Variants in PNPLA5 observed in about 807,000 individuals in gnomAD.
The protein encoded by PNPLA5 is patatin-like phospholipase domain-containing protein 5.
In PNPLA5, 44 loss-of-function variants were observed where a neutral mutation model predicts 49.1. The observed-to-expected ratio is 0.90, with a 90% CI of 0.70 to 1.15. The LOEUF is 1.15. PNPLA5 is among the 50% of genes most tolerant of loss of function. The pLI, the probability that PNPLA5 is intolerant of heterozygous loss-of-function variation, is 0.00. For synonymous variants in PNPLA5, 243 were observed against 244.4 expected (o/e 0.99, Z 0.06); for missense variants, 603 against 564.0 (o/e 1.07, Z -0.70).
chr22:43,884,286 GC>G lies in PNPLA5; in HGVS notation c.1008del (p.Pro337LeufsTer5). 6.2e-7 allele frequency: 1 copy of G among 1,601,182 alleles called. No homozygotes were observed. Among genetic ancestry groups the G allele is most frequent in the Non-Finnish European group, 8.5e-7 (1 of 1,173,656 alleles). On this transcript the variant is annotated frameshift_variant, in exon 7 of 9. Transcript: ENST00000216177. LOFTEE classifies it high-confidence loss of function. The part of the protein sequence containing the change: ...PSRWARFWHS[G>X]PGQVLTYLLL... ...AGCAGGTACGTCAGCACCTGTCCAG[GC>G]CCCGAGTGCCAGAAGCGGGCCCACC...
intron 7 of PNPLA5, among the ~76,000 whole-genome samples, chr22:43,883,665 G>T (rs2049632190): frequency 6.6e-6 from 1 of 152,110 alleles, no homozygotes; most frequent in South Asian, 2.1e-4. Flanking sequence ...AAAACAATTA[G>T]CCGGGCGTGG....
rs753555225 is a variant in PNPLA5, at chr22:43,880,890, G to A, written c.1200-5C>T. ...AGGACGCGAGTGGCCGGAGGGCTGT[G>A]GAGGGAGGAGAAGCCACGGGTAAAT... On this transcript the variant is annotated splice_region_variant and splice_polypyrimidine_tract_variant and intron_variant, in intron 8 of 8. Transcript: ENST00000216177. 2.6e-5 allele frequency: 35 copies of A among 1,323,976 alleles called. No individual in the cohort carries two copies. The highest frequency in any genetic ancestry group is 3.4e-5 in the Non-Finnish European group (35 of 1,028,740). The allele number at this position is 1,323,976 out of a possible 1,614,324, so 82.0% of individuals were successfully genotyped here.
In PNPLA5 at chr22:43,889,805, T is replaced by A. The variant is rs2049704721; in HGVS notation, c.486A>T (p.Arg162Ser). The A allele has an allele frequency of 6.2e-7, 1 of 1,612,702 alleles. No homozygotes were observed. The highest frequency in any genetic ancestry group is 1.3e-5 in the African/African-American group (1 of 74,874). ...GGTTCCAGAGTGCACTCACCTCCCC[T>A]CTGAACTCGGGGGGGATCAGCCCGC... Reference protein sequence around the residue: ...FYCGLIPPEFRGERYIDGALS... With the variant: ...FYCGLIPPEFSGERYIDGALS... The change falls in exon 3 of 9, where the codon AGA becomes AGT. Residue 162 changes from arginine (R) to serine (S), a missense_variant. Arg to Ser is a moderately radical substitution (Grantham distance 110). Coordinates refer to ENST00000216177, the MANE Select transcript of PNPLA5 (RefSeq NM_138814.4).
chr22:43,891,699 C>A lies in PNPLA5; in HGVS notation c.182G>T (p.Gly61Val), dbSNP rs2049725347. 7.1e-6 allele frequency: 11 copies of A among 1,547,038 alleles called. No individual in the cohort carries two copies. Among genetic ancestry groups the A allele is most frequent in the Non-Finnish European group, 9.6e-6 (11 of 1,145,876 alleles). ...GALNAVSIVC[G>V]KSVDFCCSHL... ...GGTCCGGGACTCACCGACCGACTTG[C>A]CGCAGACGATGCTGACTGCGTTGAG... Residue 61 changes from glycine (G) to valine (V), a missense_variant, in exon 1 of 9, where the codon GGC (glycine) becomes GTC (valine). Gly to Val is a moderately radical substitution (Grantham distance 109, BLOSUM62 -3). Transcript: ENST00000216177.
intron 1 of PNPLA5, 114 bp downstream of exon 1, chr22:43,891,574 C>G (rs1455224607): frequency 2.2e-6 from 3 of 1,358,388 alleles, no homozygotes; most frequent in Non-Finnish European, 2.9e-6. Flanking sequence ...TTAAATGAGG[C>G]TGTGCCGGGG....
intron 2 of PNPLA5, chr22:43,890,168 G>A (rs1241552956): frequency 1.4e-6 from 1 of 691,082 alleles, no homozygotes; most frequent in Non-Finnish European, 1.8e-6. Context: ...CTGTGTAGCA[G>A]TTGGGATGGG....
chr22:43,887,699 C>A, intron 4 of PNPLA5, 48 bp from the exon 5 acceptor site: 13 of 1,568,564 alleles, frequency 8.3e-6, no homozygotes, highest in Non-Finnish European at 1.1e-5. Flanking sequence ...CTGGACCTAC[C>A]CCTCGAGTGG....
At chr22:43,888,254 G>C (rs539464031) in intron 4 of PNPLA5, among the ~76,000 whole-genome samples, 1 of 152,048 alleles carries the variant, frequency 6.6e-6, no homozygotes, top group Non-Finnish European at 1.5e-5. Flanking sequence ...GCCCGCCCAG[G>C]GGTGTGGGGA....
chr22:43,880,657 G>C lies in PNPLA5; in HGVS notation c.*138C>G. On this transcript the variant is annotated 3_prime_UTR_variant, in exon 9 of 9. Coordinates refer to ENST00000216177, the MANE Select transcript of PNPLA5 (RefSeq NM_138814.4). ...GACATGCTGACAGGCTGCGCCCCAAGGAACGGGCTCCAAGCTGCAGGGTCT... is the reference window on the plus strand; with the variant it reads ...GACATGCTGACAGGCTGCGCCCCAACGAACGGGCTCCAAGCTGCAGGGTCT... 1.2e-6 allele frequency: 1 copy of C among 863,204 alleles called. No homozygotes were observed. Among genetic ancestry groups the C allele is most frequent in the Non-Finnish European group, 1.5e-6 (1 of 649,464 alleles). 53.5% of individuals were successfully genotyped at this position (863,204 alleles called of 1,614,324 possible).
rs1266997933 is a variant in PNPLA5 at position 43,891,161 on chromosome 22, G to A, written c.327C>T (p.His109=). The A allele has an allele frequency of 2.5e-6, 4 of 1,600,970 alleles. No individual in the cohort carries two copies. The highest frequency in any genetic ancestry group is 1.1e-5 in the South Asian group (1 of 90,148). Residue 109 remains histidine, a synonymous_variant, in exon 2 of 9, where the codon CAC becomes CAT. Transcript: ENST00000216177. ...TGCCCAGCCGCTGGGAGGCCAGGAC[G>A]TGGGCGTCGGGGGGCAGAGCATCCT... ...QLQDALPPDA[H]VLASQRLGIS... is the part of the protein sequence containing the mutation.
rs1272099779 is a variant in PNPLA5 at position 43,885,203 on chromosome 22, G to C, written c.950-858C>G. On this transcript the variant is annotated intron_variant, in intron 6 of 8. Transcript: ENST00000216177. ...CCGTGTGGCTACAGGTACACTGCCG[G>C]GTTCCAGAATCCCAAGCTTGGACCT... Among the ~76,000 whole-genome samples, 4 of 152,206 alleles carry C rather than the reference G, an allele frequency of 2.6e-5. No individual in the cohort carries two copies. In the South Asian group the frequency reaches 6.2e-4, roughly 24 times the overall value.
chr22:43,889,426 G>C lies in PNPLA5; in HGVS notation c.605C>G (p.Pro202Arg). Residue 202 changes from proline to arginine, a missense_variant, in exon 4 of 9, where the codon CCC (proline) becomes CGC (arginine). Coordinates refer to ENST00000216177, the MANE Select transcript of PNPLA5 (RefSeq NM_138814.4). ...TVDICPQSTS[P>R]NLHELNVFNF... is the part of the protein sequence containing the mutation. ...GAAGACGTTCAGCTCATGCAGGTTG[G>C]GGGAGGTGCTCTGGGGGCAGATGTC... 6.2e-7 allele frequency: 1 copy of C among 1,614,142 alleles called. No individual in the cohort carries two copies. The highest frequency in any genetic ancestry group is 8.5e-7 in the Non-Finnish European group (1 of 1,180,024).
intron 7 of PNPLA5, among the ~76,000 whole-genome samples, chr22:43,883,350 G>A (rs1020106414): frequency 1.3e-5 from 2 of 152,244 alleles, no homozygotes; most frequent in South Asian, 4.1e-4. Flanking sequence ...CTGGGTCTGC[G>A]TCGGGGCTGC....
chr22:43,883,671 C>T (rs982548768), intron 7 of PNPLA5, among the ~76,000 whole-genome samples: 4 of 151,986 alleles, frequency 2.6e-5, no homozygotes, highest in Non-Finnish European at 5.9e-5. Flanking sequence ...ATTAGCCGGG[C>T]GTGGCGGTGG....
chr22:43,890,160 G>T (rs913337084), intron 2 of PNPLA5: 26 of 797,882 alleles, frequency 3.3e-5, no homozygotes, highest in Non-Finnish European at 3.8e-5. Flanking sequence ...CTCCTTGCCT[G>T]TGTAGCAGTT....
chr22:43,890,938 A>AGGG, intron 2 of PNPLA5, 124 bp downstream of exon 2: 1 of 1,270,682 alleles, frequency 7.9e-7, no homozygotes, highest in Non-Finnish European at 1.1e-6. Context: ...ACCTACAAAC[A>AGGG]GGTCCACCCG....
At chr22:43,890,273 G>T (rs2401204) in intron 2 of PNPLA5, among the ~76,000 whole-genome samples, 22,460 of 152,206 alleles carry the variant, frequency 0.15, 2,142 homozygotes, top group East Asian at 0.49. Flanking sequence ...CATCTGGTCA[G>T]GGCCAGGATG....
chr22:43,889,452 C>A lies in PNPLA5; in HGVS notation c.579G>T (p.Val193=). ...TITVSPFHGT[V]DICPQSTSPN... ...GGGAGGTGCTCTGGGGGCAGATGTC[C>A]ACTGTCCCATGGAAGGGCGACACCG... Residue 193 remains valine, a synonymous_variant, in exon 4 of 9, where the codon GTG becomes GTT. Coordinates refer to ENST00000216177, the MANE Select transcript of PNPLA5 (RefSeq NM_138814.4). 1.2e-6 allele frequency: 2 copies of A among 1,614,104 alleles called. No homozygotes were observed. The highest frequency in any genetic ancestry group is 1.7e-6 in the Non-Finnish European group (2 of 1,180,024).
chr22:43,880,023 G>A lies in PNPLA5; in HGVS notation c.*772C>T, dbSNP rs41278861. On this transcript the variant is annotated 3_prime_UTR_variant, in exon 9 of 9. Coordinates refer to ENST00000216177, the MANE Select transcript of PNPLA5 (RefSeq NM_138814.4). ...CTGAGCATTTCCTCAGGGCCTGGCC[G>A]GGGGCACAGCATGGGTCCCGTGCTG... The A allele has an allele frequency of 0.034, 5,782 of 168,614 alleles. 115 individuals are homozygous for A. Among genetic ancestry groups the A allele is most frequent in the Non-Finnish European group, 0.051 (4,075 of 79,340 alleles). The allele number at this position is 168,614 out of a possible 1,614,324, so 10.4% of individuals were successfully genotyped here. A position where few individuals can be genotyped will look rare whatever the true frequency, so the allele number is the denominator to read the frequency against.
Sources: gnomAD v4.1 joint callset for allele counts (sites outside exome capture counted in the v4.1 genomes callset) on GRCh38, gnomAD v4.1.1 for gene constraint, MANE v1.5 for transcripts, NCBI Gene and HGNC (gene_info 2026-07-23, HGNC 2026-07-21) for gene names.